CPED1: variants seen among roughly 807,000 people sequenced by gnomAD.
CPED1 encodes cadherin like and PC-esterase domain containing 1.
Under a neutral mutation model 128.2 loss-of-function variants are expected in CPED1, and 114 were observed. The ratio of observed to expected loss-of-function variants is 0.89; its 90% CI spans 0.76 to 1.04. CPED1 has a LOEUF of 1.04. Among genes scored for constraint, CPED1 ranks in the 50% least tolerant of loss-of-function variants. The probability of loss-of-function intolerance (pLI) is 0.00; values close to 1 mark genes in which losing one functional copy is unlikely to be tolerated. For synonymous variants in CPED1, 462 were observed against 426.7 expected, an observed-to-expected ratio of 1.08 and a Z score of -1.02; for missense variants, 1,211 against 1,207.1, an observed-to-expected ratio of 1.00 and a Z score of -0.05.
At chr7:121,018,572 C>T (rs1325789668) in intron 3 of CPED1, among the ~76,000 whole-genome samples, 2 of 152,054 alleles carry the variant, frequency 1.3e-5, no homozygotes, top group East Asian at 3.8e-4. Flanking sequence ...ACAAATGTTA[C>T]TGAGTACCCA....
chr7:121,058,314 C>T (rs1793555750), intron 4 of CPED1, among the ~76,000 whole-genome samples: 1 of 152,060 alleles, frequency 6.6e-6, no homozygotes, highest in Non-Finnish European at 1.5e-5. Context: ...GTAAGCTATC[C>T]ATCAAGCAAA....
At chr7:121,204,407 G>A (rs1797471516) in intron 16 of CPED1, among the ~76,000 whole-genome samples, 1 of 152,054 alleles carries the variant, frequency 6.6e-6, no homozygotes, top group African/African-American at 2.4e-5. Context: ...TGTCATCATA[G>A]AAAAGGCAGA....
intron 16 of CPED1, among the ~76,000 whole-genome samples, chr7:121,211,680 C>T (rs1797646029): frequency 1.4e-5 from 2 of 139,652 alleles, no homozygotes; most frequent in South Asian, 4.6e-4. Flanking sequence ...AACCTGGTGA[C>T]TTCAGCTGAG....
At chr7:121,049,876 G>A (rs1272110536) in intron 4 of CPED1, among the ~76,000 whole-genome samples, 1 of 152,188 alleles carries the variant, frequency 6.6e-6, no homozygotes, top group South Asian at 2.1e-4. Context: ...TGTCACATCT[G>A]GGGGGATGTT....
intron 16 of CPED1, chr7:121,195,124 T>C (rs1206274505): frequency 6.6e-6 from 1 of 152,142 alleles, no homozygotes. Context: ...CATACTAAAG[T>C]CTCCTGTTTT....
intron 18 of CPED1, among the ~76,000 whole-genome samples, chr7:121,249,644 A>G (rs538166297): frequency 4.7e-4 from 72 of 152,328 alleles, no homozygotes; most frequent in African/African-American, 1.4e-3. Context: ...ATTTGTTTCA[A>G]ATAGACCACC....
At chr7:121,220,822 T>C (rs943420203) in intron 16 of CPED1, among the ~76,000 whole-genome samples, 1 of 152,032 alleles carries the variant, frequency 6.6e-6, no homozygotes, top group Admixed American at 6.6e-5. Context: ...TTGTGTATCA[T>C]TCCAGAACTT....
intron 16 of CPED1, among the ~76,000 whole-genome samples, chr7:121,156,376 TA>T (rs1796281787): frequency 6.6e-6 from 1 of 152,196 alleles, no homozygotes; most frequent in African/African-American, 2.4e-5. Context: ...AGGTAAGAGA[TA>T]TTTGCACTCT....
intron 12 of CPED1, among the ~76,000 whole-genome samples, chr7:121,131,905 ACTTTC>A (rs1467263083): frequency 6.6e-6 from 1 of 151,444 alleles, no homozygotes; most frequent in African/African-American, 2.4e-5. Flanking sequence ...ATATCAGTAT[ACTTTC>A]CTTTCCATGT....
chr7:121,270,316 T>A (rs1651508731), intron 21 of CPED1, among the ~76,000 whole-genome samples: 1 of 152,160 alleles, frequency 6.6e-6, no homozygotes, highest in Admixed American at 6.5e-5. Context: ...TTGCAAACAT[T>A]TTCTCCCATT....
chr7:121,078,236 G>A (rs949095351), intron 5 of CPED1, among the ~76,000 whole-genome samples: 1 of 151,906 alleles, frequency 6.6e-6, no homozygotes, highest in Non-Finnish European at 1.5e-5. Flanking sequence ...ATAGAGATGG[G>A]GTTTCATCAT....
rs559383751 is a variant in CPED1 at position 121,109,013 on chromosome 7, G to C, written c.918+8919G>C. Among the ~76,000 whole-genome samples, 3 of 152,256 alleles carry C rather than the reference G, an allele frequency of 2.0e-5. No individual in the cohort carries two copies. The South Asian group carries it at 6.2e-4, about 32-fold the overall frequency. On this transcript the variant is annotated intron_variant, in intron 7 of 22. Coordinates refer to ENST00000310396, the MANE Select transcript of CPED1 (RefSeq NM_024913.5). The stretch of plus-strand genomic sequence containing the variant: ...CTGGCATTTTATACTTAACATGTAA[G>C]ACTGCACTACTGTACCCATGAATCT...
chr7:121,054,566 A>G (rs1044794978), intron 4 of CPED1, among the ~76,000 whole-genome samples: 3 of 152,158 alleles, frequency 2.0e-5, no homozygotes, highest in Non-Finnish European at 2.9e-5. Context: ...CACTCCCTTC[A>G]GTGTGGCTAT....
At chr7:121,109,722 A>C (rs2116258616) in intron 7 of CPED1, among the ~76,000 whole-genome samples, 1 of 152,318 alleles carries the variant, frequency 6.6e-6, no homozygotes, top group South Asian at 2.1e-4. Flanking sequence ...GAAAGGTATA[A>C]GAATTTTTCT....
intron 7 of CPED1, among the ~76,000 whole-genome samples, chr7:121,122,635 TAG>T (rs764284378): frequency 2.0e-5 from 3 of 152,124 alleles, no homozygotes; most frequent in Non-Finnish European, 4.4e-5. Flanking sequence ...TTTTTACCTC[TAG>T]AGTCTGTAGA....
chr7:121,056,345 G>A (rs1028068657), intron 4 of CPED1, among the ~76,000 whole-genome samples: 3 of 152,106 alleles, frequency 2.0e-5, no homozygotes, highest in African/African-American at 7.2e-5. Context: ...TTTAAAATAA[G>A]TTTACCTTGT....
chr7:121,207,027 T>C (rs1447314872), intron 16 of CPED1, among the ~76,000 whole-genome samples: 1 of 152,070 alleles, frequency 6.6e-6, no homozygotes, highest in Non-Finnish European at 1.5e-5. Flanking sequence ...ACTTTCTTTT[T>C]TCTCCAACTT....
At chr7:121,008,142 A>C (rs1190775286) in intron 2 of CPED1, among the ~76,000 whole-genome samples, 1 of 151,690 alleles carries the variant, frequency 6.6e-6, no homozygotes, top group Non-Finnish European at 1.5e-5. Flanking sequence ...CAAGAAAAGC[A>C]CTCTTTTTCT....
intron 16 of CPED1, among the ~76,000 whole-genome samples, chr7:121,178,989 G>C (rs1010379663): frequency 6.6e-6 from 1 of 152,056 alleles, no homozygotes; most frequent in Non-Finnish European, 1.5e-5. Context: ...TAGAAGGTAG[G>C]AGAAAGTTTG....
Sources: allele counts gnomAD v4.1 joint callset (sites outside exome capture counted in the v4.1 genomes callset), GRCh38; gene constraint gnomAD v4.1.1; transcripts MANE v1.5; gene names NCBI Gene and HGNC (gene_info 2026-07-23, HGNC 2026-07-21).